TEX13C: variants seen among roughly 807,000 people sequenced by gnomAD.
The protein encoded by TEX13C is testis-expressed protein 13C.
For synonymous variants in TEX13C, 219 were observed against 116.6 expected (o/e 1.88, Z -5.65); for missense variants, 480 against 298.7 (o/e 1.61, Z -4.47).
exon 1 of TEX13C, chrX:125,323,309 C>T (rs1039000936): frequency 2.8e-5 from 9 of 321,603 alleles, no homozygotes; most frequent in Admixed American, 5.5e-5. Context: ...CACACAAATA[C>T]GTATGTATTT....
rs1473551621 is a variant in TEX13C, at chrX:125,321,919, C to A, written c.1800C>A (p.Val600=). Reference sequence around the variant, plus strand: ...ATCCAATGATGCACCAGGAGATGGTCCCCCTGGGGGACAGCAACAGCCATA... The same window carrying A: ...ATCCAATGATGCACCAGGAGATGGTACCCCTGGGGGACAGCAACAGCCATA... The change falls in exon 1 of 1, where the codon GTC becomes GTA. Residue 600 remains valine (V), a synonymous_variant. Coordinates refer to ENST00000632600, the Ensembl canonical transcript of TEX13C. 19 of 510,353 alleles carry A rather than the reference C, an allele frequency of 3.7e-5. No individual in the cohort carries two copies. In the East Asian group the frequency reaches 5.5e-4, roughly 15 times the overall value. The allele number at this position is 510,353 out of a possible 1,213,427, so 42.1% of individuals were successfully genotyped here.
exon 1 of TEX13C, chrX:125,321,156 G>T (rs1602633947): frequency 1.9e-6 from 1 of 512,824 alleles, no homozygotes; most frequent in East Asian, 3.6e-5. Flanking sequence ...ATGCAAGAGG[G>T]CACAGCTCCC....
exon 1 of TEX13C, chrX:125,323,776 A>C (rs987243891): frequency 5.4e-5 from 6 of 111,986 alleles, no homozygotes; most frequent in Admixed American, 9.5e-5. Flanking sequence ...AACCTGTGAC[A>C]TTAGAAGATC....
exon 1 of TEX13C, chrX:125,322,075 A>G: frequency 2.1e-6 from 1 of 476,384 alleles, no homozygotes. Context: ...GCCTGAAGAA[A>G]GATCCAGTGA....
At chrX:125,324,656 A>G (rs1330069326) in exon 1 of TEX13C, 1 of 112,458 alleles carries the variant, frequency 8.9e-6, no homozygotes, top group Non-Finnish European at 1.9e-5. Flanking sequence ...TGTCCTCACA[A>G]AAATGCAGGC....
chrX:125,321,363 A>G (rs1294124639), exon 1 of TEX13C: 1 of 513,534 alleles, frequency 1.9e-6, no homozygotes, highest in Admixed American at 2.6e-5. Context: ...TCCCTGGGGG[A>G]CAGCAACAGC....
At chrX:125,322,732 G>A (rs2018860629) in exon 1 of TEX13C, 1 of 514,538 alleles carries the variant, frequency 1.9e-6, no homozygotes, top group Non-Finnish European at 3.5e-6. Context: ...TGGTCTCCTT[G>A]GGGGACAGCA....
At chrX:125,323,005 A>T in exon 1 of TEX13C, 1 of 515,615 alleles carries the variant, frequency 1.9e-6, no homozygotes, top group East Asian at 3.6e-5. Context: ...GGGCCTGCCC[A>T]TGGTGTAATG....
In TEX13C at chrX:125,323,243, T is replaced by C; in HGVS notation, c.*142T>C. 9.5e-6 allele frequency: 4 copies of C among 422,892 alleles called. 1 individual carries two copies. In the South Asian group the frequency reaches 1.6e-4, roughly 17 times the overall value. 34.9% of individuals were successfully genotyped at this position (422,892 alleles called of 1,213,427 possible). ...AAATTGTAGAGAAAATTAGATAAAA[T>C]AATCCATTATCCTATTACCCAAATT... On this transcript the variant is annotated 3_prime_UTR_variant, in exon 1 of 1. Coordinates refer to ENST00000632600, the Ensembl canonical transcript of TEX13C.
exon 1 of TEX13C, chrX:125,320,263 C>T (rs1038829751): frequency 2.5e-5 from 13 of 515,263 alleles, no homozygotes; most frequent in African/African-American, 2.0e-4. Flanking sequence ...AGGTAGAGGA[C>T]CGGCTTCGGG....
Position 125,323,463 on chromosome X carries a change from C to T in TEX13C, c.*362C>T, listed in dbSNP as rs150766196. 3.2e-5 allele frequency: 4 copies of T among 123,713 alleles called. No individual in the cohort carries two copies. The Admixed American group carries it at 3.5e-4, about 11-fold the overall frequency. 10.2% of individuals were successfully genotyped at this position (123,713 alleles called of 1,213,427 possible). A position where few individuals can be genotyped will look rare whatever the true frequency, so the allele number is the denominator to read the frequency against. On this transcript the variant is annotated 3_prime_UTR_variant, in exon 1 of 1. Transcript: ENST00000632600. The stretch of plus-strand genomic sequence containing the variant: ...GTTGGCTGATACTAATTGGTTGACA[C>T]CCTGGAGAAGCTGAAGTTATAGTTA...
chrX:125,321,937 C>G, exon 1 of TEX13C: 1 of 509,517 alleles, frequency 2.0e-6, no homozygotes, highest in East Asian at 3.6e-5. Context: ...GGGACAGCAA[C>G]AGCCATAGCC....
In TEX13C at chrX:125,320,272, G is replaced by GAT; in HGVS notation, c.153_154insAT (p.Ala52MetfsTer24). 1.9e-6 allele frequency: 1 copy of GAT among 515,909 alleles called. No homozygotes were observed. The highest frequency in any genetic ancestry group is 3.5e-6 in the Non-Finnish European group (1 of 287,043). The allele number at this position is 515,909 out of a possible 1,213,427, so 42.5% of individuals were successfully genotyped here. A position where few individuals can be genotyped will look rare whatever the true frequency, so the allele number is the denominator to read the frequency against. On this transcript the variant is annotated frameshift_variant, in exon 1 of 1. Coordinates refer to ENST00000632600, the Ensembl canonical transcript of TEX13C. LOFTEE classifies it low-confidence loss of function (END_TRUNC). ...GGAACGAGGTAGAGGACCGGCTTCG[G>GAT]GCCATTGTGGCCGACCCGCGGGTGC...
exon 1 of TEX13C, chrX:125,321,991 G>A (rs2018848229): frequency 2.0e-6 from 1 of 491,050 alleles, no homozygotes; most frequent in Non-Finnish European, 3.6e-6. Flanking sequence ...CTCCCCTGAT[G>A]TTTAGCAGGA....
exon 1 of TEX13C, chrX:125,323,533 C>G (rs924392498): frequency 9.2e-6 from 1 of 109,246 alleles, no homozygotes; most frequent in African/African-American, 3.4e-5. Flanking sequence ...TTTTTTTTCT[C>G]TTAACCTCCT....
rs986852141 is a variant in TEX13C, at chrX:125,320,535, G to A, written c.416G>A (p.Arg139His). ...GCCCTGCAGCAGGTGCTGAATGAGCGTGATGGGTTATGCGGGAGGCTGCTA... is the reference window on the plus strand; with the variant it reads ...GCCCTGCAGCAGGTGCTGAATGAGCATGATGGGTTATGCGGGAGGCTGCTA... Residue 139 changes from arginine to histidine, a missense_variant, in exon 1 of 1, where the codon CGT becomes CAT. Arg to His is a conservative substitution (Grantham distance 29, BLOSUM62 0). Transcript: ENST00000632600. 1.6e-5 allele frequency: 8 copies of A among 514,960 alleles called. No homozygotes were observed. The South Asian group carries it at 1.7e-4, about 11-fold the overall frequency. 42.4% of individuals were successfully genotyped at this position (514,960 alleles called of 1,213,427 possible).
chrX:125,321,842 C>T (rs2018845564), exon 1 of TEX13C: 1 of 509,439 alleles, frequency 2.0e-6, no homozygotes, highest in Non-Finnish European at 3.5e-6. Context: ...TCCAGTGATG[C>T]CCCAGAACAT....
At chrX:125,322,930 A>G (rs2018862629) in exon 1 of TEX13C, 1 of 515,326 alleles carries the variant, frequency 1.9e-6, no homozygotes, top group Admixed American at 2.6e-5. Flanking sequence ...TCAAGGAACA[A>G]AAAAGGAAAA....
chrX:125,320,509 C>T (rs967367964), exon 1 of TEX13C: 16 of 514,809 alleles, frequency 3.1e-5, no homozygotes, highest in Middle Eastern at 3.1e-4. Context: ...TCACGCAGGC[C>T]GCCCTGCAGC....
Sources: gnomAD v4.1 joint callset for allele counts on GRCh38, gnomAD v4.1.1 for gene constraint, MANE v1.5 for transcripts, NCBI Gene and HGNC (gene_info 2026-07-23, HGNC 2026-07-21) for gene names.